The following TP63 variants were observed in gnomAD, a reference collection of about 807,000 sequenced individuals.
TP63 encodes tumor protein 63.
TP63 carries 17 observed loss-of-function variants against 82.8 expected under a neutral mutation model. That is an observed-to-expected ratio of 0.21 (90% CI 0.14 to 0.31). TP63 has a LOEUF of 0.31. Ranked by LOEUF, TP63 falls within the 10% of genes least tolerant of loss-of-function variation. TP63 has a pLI of 1.00. For missense variants in TP63, 648 were observed against 895.3 expected (o/e 0.72, Z 3.52); for synonymous variants, 330 against 321.7 (o/e 1.03, Z -0.28).
At chr3:189,611,331 G>T in the TP63 span, among the ~76,000 whole-genome samples, 1 of 152,170 alleles carries the variant, frequency 6.6e-6, no homozygotes, top group Non-Finnish European at 1.5e-5. Context: ...TATGGTTTAA[G>T]GAAGGAGTTC....
chr3:189,834,471 T>C (rs1291906887), intron 4 of TP63, among the ~76,000 whole-genome samples: 1 of 152,204 alleles, frequency 6.6e-6, no homozygotes, highest in Non-Finnish European at 1.5e-5. Flanking sequence ...TTTACAGTTA[T>C]GGACTCGCGT....
At chr3:189,765,963 T>G (rs1219315954) in intron 3 of TP63, among the ~76,000 whole-genome samples, 1 of 152,232 alleles carries the variant, frequency 6.6e-6, no homozygotes, top group African/African-American at 2.4e-5. Context: ...CTCTTGCTTC[T>G]GAATTCTATG....
chr3:189,729,371 G>T (rs1175953178), intron 1 of TP63, among the ~76,000 whole-genome samples: 2 of 152,152 alleles, frequency 1.3e-5, no homozygotes, highest in Non-Finnish European at 2.9e-5. Context: ...AAAAGGTCAT[G>T]GAAGAAGCAA....
At chr3:189,744,242 G>A (rs1373965890) in intron 3 of TP63, among the ~76,000 whole-genome samples, 2 of 152,182 alleles carry the variant, frequency 1.3e-5, no homozygotes, top group Non-Finnish European at 2.9e-5. Flanking sequence ...ACTGCCCGCA[G>A]CTGCTGTCAC....
chr3:189,840,356 CGTCTTTTTTTTT>C (rs1226765321), intron 4 of TP63, among the ~76,000 whole-genome samples: 11 of 26,222 alleles, frequency 4.2e-4, no homozygotes, highest in Middle Eastern at 0.042. Context: ...TTTTGCTTTT[CGTCTTTTTTTTT>C]TTTTTTTTTT....
intron 4 of TP63, among the ~76,000 whole-genome samples, chr3:189,857,360 A>G (rs1030634111): frequency 6.6e-6 from 1 of 152,182 alleles, no homozygotes; most frequent in Non-Finnish European, 1.5e-5. Flanking sequence ...CTTAACTCAC[A>G]CCATATACAA....
At chr3:189,889,783 C>T (rs147522646) in intron 12 of TP63, among the ~76,000 whole-genome samples, 201 of 152,290 alleles carry the variant, frequency 1.3e-3, no homozygotes, top group African/African-American at 4.6e-3. Flanking sequence ...TTGTCAATTG[C>T]GGCCCTCAAG....
At chr3:189,829,833 C>G in intron 4 of TP63, 1 of 293,660 alleles carries the variant, frequency 3.4e-6, no homozygotes, top group South Asian at 2.9e-5. Flanking sequence ...CAAATATTAG[C>G]CCTTTTAATT....
intron 3 of TP63, among the ~76,000 whole-genome samples, chr3:189,779,154 T>G (rs1202797438): frequency 2.0e-5 from 3 of 152,216 alleles, no homozygotes; most frequent in African/African-American, 7.2e-5. Flanking sequence ...ACATATATAT[T>G]AACACTAAAG....
chr3:189,836,665 G>T (rs915101399), intron 4 of TP63, among the ~76,000 whole-genome samples: 1 of 152,074 alleles, frequency 6.6e-6, no homozygotes, highest in African/African-American at 2.4e-5. Context: ...TGTTCAACTG[G>T]TGTGATAAGC....
At chr3:189,833,712 T>C (rs1712706504) in intron 4 of TP63, among the ~76,000 whole-genome samples, 1 of 151,284 alleles carries the variant, frequency 6.6e-6, no homozygotes, top group South Asian at 2.1e-4. Context: ...ACAAATTACA[T>C]AGTAGATATA....
rs538194792 is a variant in TP63, at chr3:189,781,523, A to C, written c.325-26749A>C. Among the ~76,000 whole-genome samples the C allele has an allele frequency of 4.6e-5, 7 of 152,330 alleles. No individual in the cohort carries two copies. In the South Asian group the frequency reaches 1.4e-3, roughly 32 times the overall value. On this transcript the variant is annotated intron_variant, in intron 3 of 13. Transcript: ENST00000264731. ...ACGGACGCTAGAACTCTCTAAGAGC[A>C]AAATGCAATCCCCGCCCCACCTGGA...
At chr3:189,729,649 T>G (rs915378934) in intron 1 of TP63, among the ~76,000 whole-genome samples, 10 of 152,152 alleles carry the variant, frequency 6.6e-5, no homozygotes, top group African/African-American at 1.9e-4. Context: ...TTCTGAGAGT[T>G]AAGCTGACAT....
chr3:189,682,590 A>C (rs946316176), intron 1 of TP63, among the ~76,000 whole-genome samples: 1 of 137,112 alleles, frequency 7.3e-6, no homozygotes, highest in African/African-American at 2.7e-5. Context: ...ATATATATAT[A>C]TATATCCTAT....
At chr3:189,806,226 C>T (rs900717681) in intron 3 of TP63, among the ~76,000 whole-genome samples, 1 of 151,614 alleles carries the variant, frequency 6.6e-6, no homozygotes, top group African/African-American at 2.4e-5. Context: ...CATCCAAGCC[C>T]ACAATTAGTT....
rs553915952 is a variant in TP63, at chr3:189,762,211, C to T, written c.324+23437C>T. ...GATTCTTTACAGATGCAAATTTCCC[C>T]CCACAAAGGCTGCCTGTTAGGGCCA... On this transcript the variant is annotated intron_variant, in intron 3 of 13. Transcript: ENST00000264731. 1.2e-3 allele frequency among the ~76,000 whole-genome samples: 178 copies of T among 152,252 alleles called. 1 individual carries two copies. Among genetic ancestry groups the T allele is most frequent in the African/African-American group, 4.2e-3 (175 of 41,540 alleles).
chr3:189,886,399 C>T lies in TP63; in HGVS notation c.1355C>T (p.Ser452Leu). 6.2e-7 allele frequency: 1 copy of T among 1,614,056 alleles called. No homozygotes were observed. Among genetic ancestry groups the T allele is most frequent in the Non-Finnish European group, 8.5e-7 (1 of 1,180,000 alleles). The part of the protein sequence containing the change: ...QHQHLLQKQT[S>L]IQSPSSYGNS... ...TTCCATGTTTGTCTTCCTAGGACCT[C>T]AATACAGTCTCCATCTTCATATGGT... Residue 452 changes from serine (S) to leucine (L), a missense_variant, in exon 11 of 14, where the codon TCA becomes TTA. Physicochemically the swap from Ser to Leu is moderately radical, Grantham distance 145 (BLOSUM62 -2). Coordinates refer to ENST00000264731, the MANE Select transcript of TP63 (RefSeq NM_003722.5).
chr3:189,780,494 T>C (rs187337495), intron 3 of TP63, among the ~76,000 whole-genome samples: 60 of 151,138 alleles, frequency 4.0e-4, no homozygotes, highest in Middle Eastern at 3.4e-3. Context: ...GTTTCCTCCA[T>C]AGATTACTTA....
chr3:189,597,429 A>G, the TP63 span, among the ~76,000 whole-genome samples: 2 of 152,258 alleles, frequency 1.3e-5, no homozygotes, highest in Non-Finnish European at 1.5e-5. Flanking sequence ...TCTCTCTACC[A>G]GAGGAAATTT....
Sources: gnomAD v4.1 joint callset for allele counts (sites outside exome capture counted in the v4.1 genomes callset) on GRCh38, gnomAD v4.1.1 for gene constraint, MANE v1.5 for transcripts, NCBI Gene and HGNC (gene_info 2026-07-23, HGNC 2026-07-21) for gene names.